PRKG1: variants seen among roughly 807,000 people sequenced by gnomAD.
The protein encoded by PRKG1 is cGMP-dependent protein kinase 1.
Under a neutral mutation model 88.1 loss-of-function variants are expected in PRKG1, and 35 were observed. That is an observed-to-expected ratio of 0.40 (90% confidence interval 0.30 to 0.53). The LOEUF (loss-of-function observed/expected upper bound fraction) is 0.53. Among genes scored for constraint, PRKG1 ranks in the 20% least tolerant of loss-of-function variants. The pLI, the probability that PRKG1 is intolerant of heterozygous loss-of-function variation, is 0.59. For synonymous variants in PRKG1, 303 were observed against 292.5 expected (o/e 1.04, Z -0.37); for missense variants, 540 against 839.8 (o/e 0.64, Z 4.41).
chr10:51,756,673 G>C (rs1227746262), intron 3 of PRKG1, among the ~76,000 whole-genome samples: 1 of 151,886 alleles, frequency 6.6e-6, no homozygotes, highest in Admixed American at 6.6e-5. Context: ...ACATTAGCCA[G>C]GCATGGTGGG....
intron 5 of PRKG1, among the ~76,000 whole-genome samples, chr10:52,005,555 G>A (rs2133158468): frequency 6.6e-6 from 1 of 152,222 alleles, no homozygotes; most frequent in South Asian, 2.1e-4. Context: ...GAACTCAACT[G>A]GTGGGCACAG....
At chr10:52,183,438 A>G (rs1404865593) in intron 9 of PRKG1, among the ~76,000 whole-genome samples, 7 of 152,212 alleles carry the variant, frequency 4.6e-5, no homozygotes, top group Non-Finnish European at 8.8e-5. Context: ...GGGAAGGGCC[A>G]CAGCATTTTG....
chr10:52,227,636 G>A (rs1840421176), intron 9 of PRKG1, among the ~76,000 whole-genome samples: 1 of 152,026 alleles, frequency 6.6e-6, no homozygotes, highest in African/African-American at 2.4e-5. Flanking sequence ...AGTCCCCCAT[G>A]ATTACCAAGG....
intron 3 of PRKG1, among the ~76,000 whole-genome samples, chr10:51,688,510 T>C (rs1841051378): frequency 6.6e-6 from 1 of 151,646 alleles, no homozygotes. Flanking sequence ...CTGAAAAATT[T>C]CTGTGAGGAA....
At chr10:51,932,649 C>T (rs1169977750) in intron 5 of PRKG1, among the ~76,000 whole-genome samples, 1 of 152,136 alleles carries the variant, frequency 6.6e-6, no homozygotes, top group African/African-American at 2.4e-5. Flanking sequence ...TTAAAAGGCC[C>T]AGCCCTGGTG....
chr10:51,178,366 C>T (rs535209215), intron 2 of PRKG1, among the ~76,000 whole-genome samples: 36 of 152,186 alleles, frequency 2.4e-4, no homozygotes, highest in Middle Eastern at 3.4e-3. Flanking sequence ...GGGCTGGGCG[C>T]GGTGGCTCAC....
intron 1 of PRKG1, among the ~76,000 whole-genome samples, chr10:51,042,495 A>G (rs1843437267): frequency 6.6e-6 from 1 of 152,214 alleles, no homozygotes; most frequent in Admixed American, 6.5e-5. Context: ...ATACTGTCGT[A>G]TCCTCAACAA....
intron 3 of PRKG1, among the ~76,000 whole-genome samples, chr10:51,693,287 C>CAAAAA (rs762828746): frequency 0.059 from 4,116 of 70,262 alleles, 89 homozygotes; most frequent in East Asian, 0.12. Context: ...GACACCACCT[C>CAAAAA]AAAAAAAAAA....
At chr10:51,708,444 A>G (rs1366337985) in intron 3 of PRKG1, among the ~76,000 whole-genome samples, 2 of 152,194 alleles carry the variant, frequency 1.3e-5, no homozygotes, top group Non-Finnish European at 2.9e-5. Context: ...CCTCTAGGAA[A>G]AGAAAAAATG....
At chr10:51,238,069 A>T (rs2219884) in intron 2 of PRKG1, among the ~76,000 whole-genome samples, 69,476 of 151,986 alleles carry the variant, frequency 0.46, 15,974 homozygotes, top group Middle Eastern at 0.52. Flanking sequence ...ATTAAAAAAA[A>T]TTGAATCTAC....
At chr10:51,766,590 G>C (rs1015603626) in intron 3 of PRKG1, among the ~76,000 whole-genome samples, 2 of 152,032 alleles carry the variant, frequency 1.3e-5, no homozygotes, top group African/African-American at 4.8e-5. Flanking sequence ...CTAACCACCT[G>C]CCTGACAGGT....
intron 5 of PRKG1, among the ~76,000 whole-genome samples, chr10:51,955,533 A>T (rs953518725): frequency 1.3e-5 from 2 of 152,192 alleles, no homozygotes; most frequent in Admixed American, 6.6e-5. Context: ...AAGCTTCAGC[A>T]TATTAAGTAG....
rs1589769077 is a variant in PRKG1 at position 52,297,996 on chromosome 10, A to G, written c.*4096A>G. 2 of 152,182 alleles carry G rather than the reference A, an allele frequency of 1.3e-5. No homozygotes were observed. The highest frequency in any genetic ancestry group is 2.1e-4 in the South Asian group (1 of 4,832). The allele number at this position is 152,182 out of a possible 1,614,324, so 9.4% of individuals were successfully genotyped here. ...CAGACAGAGCTCTGGGACCTTGGCA[A>G]TGACTCAGAGGTTGGGGCTTTCTGA... On this transcript the variant is annotated 3_prime_UTR_variant, in exon 18 of 18. Coordinates refer to ENST00000373980, the MANE Select transcript of PRKG1 (RefSeq NM_006258.4).
rs5784867 is a variant in PRKG1, at chr10:51,284,865, C to CTTT, written c.478+131555_478+131557dup. Reference sequence around the variant, plus strand: ...GGGTGTGGCTCCAGTGTTGTGGGTACTTTTTTTTTTTTTTTTTTTTTTAAG... The same window carrying CTTT: ...GGGTGTGGCTCCAGTGTTGTGGGTACTTTTTTTTTTTTTTTTTTTTTTTTTAAG... On this transcript the variant is annotated intron_variant, in intron 2 of 17. Transcript: ENST00000373980. Among the ~76,000 whole-genome samples, 135 of 51,590 alleles carry CTTT rather than the reference C, an allele frequency of 2.6e-3. 1 individual carries two copies. Among genetic ancestry groups the CTTT allele is most frequent in the Non-Finnish European group, 3.1e-3 (86 of 28,020 alleles). 33.8% of individuals were successfully genotyped at this position (51,590 alleles called of 152,430 possible).
At chr10:51,344,819 A>G (rs1842078592) in intron 2 of PRKG1, among the ~76,000 whole-genome samples, 1 of 152,218 alleles carries the variant, frequency 6.6e-6, no homozygotes, top group African/African-American at 2.4e-5. Flanking sequence ...AAAATGCTAA[A>G]TTAACAAGTC....
chr10:51,276,553 A>G (rs1014100989), intron 2 of PRKG1, among the ~76,000 whole-genome samples: 1 of 152,154 alleles, frequency 6.6e-6, no homozygotes, highest in African/African-American at 2.4e-5. Context: ...GTCTTCCACA[A>G]TGGTTGAACT....
intron 3 of PRKG1, among the ~76,000 whole-genome samples, chr10:51,686,928 G>C (rs554414870): frequency 1.1e-4 from 17 of 151,904 alleles, no homozygotes; most frequent in Non-Finnish European, 2.2e-4. Context: ...GTAGAGATGG[G>C]GTTTCACCAT....
At chr10:52,134,337 T>TATCTCCTA (rs2132636417) in intron 8 of PRKG1, among the ~76,000 whole-genome samples, 1 of 152,316 alleles carries the variant, frequency 6.6e-6, no homozygotes, top group African/African-American at 2.4e-5. Flanking sequence ...ATGCCCTCTA[T>TATCTCCTA]TCTCCTATCT....
At chr10:51,000,015 C>G (rs1358337680) in intron 1 of PRKG1, among the ~76,000 whole-genome samples, 3 of 152,158 alleles carry the variant, frequency 2.0e-5, no homozygotes, top group African/African-American at 4.8e-5. Flanking sequence ...AATCCTGAAG[C>G]CTTCCCAAGA....
Sources: gnomAD v4.1 joint callset for allele counts (sites outside exome capture counted in the v4.1 genomes callset) on GRCh38, gnomAD v4.1.1 for gene constraint, MANE v1.5 for transcripts, NCBI Gene and HGNC (gene_info 2026-07-23, HGNC 2026-07-21) for gene names.